Variants in DTD1 observed in about 807,000 individuals in gnomAD.
The protein encoded by DTD1 is D-aminoacyl-tRNA deacylase 1.
DTD1 carries 13 observed loss-of-function variants against 25.6 expected under a neutral mutation model. The ratio of observed to expected loss-of-function variants is 0.51; its 90% CI spans 0.33 to 0.81. The LOEUF (loss-of-function observed/expected upper bound fraction) is 0.81, where lower values mean the gene tolerates loss of function less well. Ranked by LOEUF, DTD1 falls within the 30% of genes least tolerant of loss-of-function variation. DTD1 has a pLI of 0.02. For missense variants in DTD1, 193 were observed against 266.4 expected (o/e 0.72, Z 1.92); for synonymous variants, 110 against 103.6 (o/e 1.06, Z -0.37).
At chr20:18,691,682 T>A (rs2061048075) in intron 4 of DTD1, among the ~76,000 whole-genome samples, 1 of 152,216 alleles carries the variant, frequency 6.6e-6, no homozygotes, top group Non-Finnish European at 1.5e-5. Context: ...ACCTGGGTGA[T>A]GAGATCATCT....
Position 18,628,406 on chromosome 20 carries a change from C to T in DTD1, c.477+173C>T, listed in dbSNP as rs73900461. 8.8e-3 allele frequency among the ~76,000 whole-genome samples: 1,348 copies of T among 152,326 alleles called. 18 individuals are homozygous for T. The highest frequency in any genetic ancestry group is 0.031 in the African/African-American group (1,287 of 41,560). On this transcript the variant is annotated intron_variant, in intron 4 of 5. Transcript: ENST00000377452. ...ACGGTGCACTCCTGAGTACTGTGGC[C>T]GGTGGGTACAGCACTTCTCCCTTGC...
intron 4 of DTD1, among the ~76,000 whole-genome samples, chr20:18,636,153 T>TAA (rs748851242): frequency 6.6e-6 from 1 of 151,144 alleles, no homozygotes; most frequent in Non-Finnish European, 1.5e-5. Context: ...GTGTGTGTGT[T>TAA]AAAAAAAAAC....
At chr20:18,754,110 C>T (rs1414242003) in intron 5 of DTD1, among the ~76,000 whole-genome samples, 1 of 152,072 alleles carries the variant, frequency 6.6e-6, no homozygotes, top group African/African-American at 2.4e-5. Flanking sequence ...AGATCTGTGG[C>T]ATGTGTGTGT....
intron 4 of DTD1, among the ~76,000 whole-genome samples, chr20:18,652,191 G>A (rs2060876753): frequency 6.6e-6 from 1 of 152,220 alleles, no homozygotes; most frequent in Non-Finnish European, 1.5e-5. Flanking sequence ...GAAGTGTCTG[G>A]ATTTGAGTCT....
chr20:18,636,459 T>C (rs1422326141), intron 4 of DTD1, among the ~76,000 whole-genome samples: 2 of 152,210 alleles, frequency 1.3e-5, no homozygotes, highest in African/African-American at 4.8e-5. Flanking sequence ...CTGGAAGTGA[T>C]AGAATTCTAA....
At chr20:18,729,161 G>A (rs182402834) in intron 4 of DTD1, among the ~76,000 whole-genome samples, 4 of 152,160 alleles carry the variant, frequency 2.6e-5, no homozygotes, top group Admixed American at 1.3e-4. Context: ...GTGCCACCAC[G>A]TCTGGTGAGT....
At chr20:18,685,560 G>A (rs2061013448) in intron 4 of DTD1, among the ~76,000 whole-genome samples, 1 of 152,168 alleles carries the variant, frequency 6.6e-6, no homozygotes, top group South Asian at 2.1e-4. Context: ...CAGCTTCAGT[G>A]GCTCCATGGC....
chr20:18,611,041 A>T (rs138875448), intron 3 of DTD1: 1 of 152,258 alleles, frequency 6.6e-6, no homozygotes. Context: ...TTCCCCTAAT[A>T]AGAGTAAAAA....
At chr20:18,722,280 G>A (rs1388855949) in intron 4 of DTD1, among the ~76,000 whole-genome samples, 3 of 152,246 alleles carry the variant, frequency 2.0e-5, no homozygotes, top group Non-Finnish European at 4.4e-5. Context: ...CCATCTGGCG[G>A]TACCAGGCAC....
At chr20:18,726,875 G>A (rs1317874609) in intron 4 of DTD1, among the ~76,000 whole-genome samples, 1 of 149,710 alleles carries the variant, frequency 6.7e-6, no homozygotes, top group Non-Finnish European at 1.5e-5. Context: ...TTACTTATAG[G>A]GGCCAGAAAG....
chr20:18,761,330 A>G (rs1026776855), intron 5 of DTD1, among the ~76,000 whole-genome samples: 57 of 152,134 alleles, frequency 3.7e-4, no homozygotes, highest in African/African-American at 1.3e-3. Flanking sequence ...TGGGAGGTGT[A>G]GACTGGAGCT....
chr20:18,746,361 G>T (rs2061300130), intron 5 of DTD1, among the ~76,000 whole-genome samples: 1 of 152,164 alleles, frequency 6.6e-6, no homozygotes, highest in Non-Finnish European at 1.5e-5. Flanking sequence ...AGGGTCAGAA[G>T]TGTACCTATG....
chr20:18,674,969 C>T (rs1424791499), intron 4 of DTD1: 1 of 152,280 alleles, frequency 6.6e-6, no homozygotes, highest in Non-Finnish European at 1.5e-5. Flanking sequence ...CAACAATAAA[C>T]ATTTTTTACA....
At chr20:18,686,921 T>A (rs2061019370) in intron 4 of DTD1, among the ~76,000 whole-genome samples, 1 of 152,140 alleles carries the variant, frequency 6.6e-6, no homozygotes, top group Non-Finnish European at 1.5e-5. Context: ...CTTCCACAAA[T>A]ATTTATTTAG....
Position 18,766,565 on chromosome 20 carries a change from A to C in DTD1, c.*3225A>C, listed in dbSNP as rs1284883946. On this transcript the variant is annotated 3_prime_UTR_variant, in exon 6 of 6. Coordinates refer to ENST00000377452, the MANE Select transcript of DTD1 (RefSeq NM_080820.6). ...AAGACCATCCTGGCTAACACAGTGA[A>C]ACCCCGTCTCTACTAAAAATACAAA... The C allele has an allele frequency of 6.6e-6, 1 of 151,916 alleles. No homozygotes were observed. The highest frequency in any genetic ancestry group is 2.1e-4 in the South Asian group (1 of 4,802). 9.4% of individuals were successfully genotyped at this position (151,916 alleles called of 1,614,324 possible).
chr20:18,599,032 C>T (rs1445640282), intron 3 of DTD1, among the ~76,000 whole-genome samples: 4 of 152,030 alleles, frequency 2.6e-5, no homozygotes, highest in Admixed American at 6.6e-5. Flanking sequence ...CTTAATAGCT[C>T]ATTTTGTATT....
chr20:18,655,709 T>C (rs1025724549), intron 4 of DTD1, among the ~76,000 whole-genome samples: 1 of 152,216 alleles, frequency 6.6e-6, no homozygotes, highest in Admixed American at 6.5e-5. Flanking sequence ...GGGTATTTCA[T>C]TGAATGGCCA....
At chr20:18,713,583 C>G (rs1387864169) in intron 4 of DTD1, among the ~76,000 whole-genome samples, 1 of 152,206 alleles carries the variant, frequency 6.6e-6, no homozygotes, top group African/African-American at 2.4e-5. Context: ...GATCCTTAGC[C>G]TGGGTTCACG....
At chr20:18,595,024 T>C (rs936762965) in intron 2 of DTD1, among the ~76,000 whole-genome samples, 2 of 152,194 alleles carry the variant, frequency 1.3e-5, no homozygotes, top group African/African-American at 4.8e-5. Flanking sequence ...AGGGTGGCTC[T>C]CAAATGGTGA....
Sources: gnomAD v4.1 joint callset for allele counts (sites outside exome capture counted in the v4.1 genomes callset) on GRCh38, gnomAD v4.1.1 for gene constraint, MANE v1.5 for transcripts, NCBI Gene and HGNC (gene_info 2026-07-23, HGNC 2026-07-21) for gene names.